Variants in EMSY observed in about 807,000 individuals in gnomAD.
EMSY encodes the protein BRCA2-interacting transcriptional repressor EMSY.
In EMSY, 26 loss-of-function variants were observed where a neutral mutation model predicts 134.6. The ratio of observed to expected loss-of-function variants is 0.19; its 90% CI spans 0.14 to 0.27. The LOEUF is 0.27. EMSY is among the 10% of genes least tolerant of loss of function. The pLI is 1.00. For synonymous variants in EMSY, 579 were observed against 577.8 expected, an observed-to-expected ratio of 1.00 and a Z score of -0.03; for missense variants, 1,305 against 1,611.4, an observed-to-expected ratio of 0.81 and a Z score of 3.26.
intron 20 of EMSY, among the ~76,000 whole-genome samples, chr11:76,547,353 G>C (rs1406338865): frequency 6.6e-6 from 1 of 152,182 alleles, no homozygotes; most frequent in African/African-American, 2.4e-5. Flanking sequence ...AAGGCAAGTA[G>C]AAATGGCCAT....
chr11:76,467,071 T>G (rs1590813441), intron 7 of EMSY, among the ~76,000 whole-genome samples: 2 of 152,368 alleles, frequency 1.3e-5, no homozygotes, highest in Admixed American at 1.3e-4. Flanking sequence ...CCTTCATATA[T>G]AGAAATTAAC....
intron 6 of EMSY, 130 bp from the exon 8 acceptor site, chr11:76,463,691 A>ATTG: frequency 1.0e-6 from 1 of 986,050 alleles, no homozygotes; most frequent in Non-Finnish European, 1.5e-6. Context: ...CTGAGGGAAG[A>ATTG]TTGATAGAAC....
intron 19 of EMSY, among the ~76,000 whole-genome samples, chr11:76,545,545 G>A (rs1329369665): frequency 6.6e-6 from 1 of 152,180 alleles, no homozygotes; most frequent in African/African-American, 2.4e-5. Flanking sequence ...AGGCTGCTGA[G>A]ACTACTTTTT....
At chr11:76,529,894 C>T (rs534451425) in intron 14 of EMSY, among the ~76,000 whole-genome samples, 32 of 152,038 alleles carry the variant, frequency 2.1e-4, no homozygotes, top group Non-Finnish European at 4.7e-4. Context: ...TTGGTTGATG[C>T]TTATTCTCCA....
intron 14 of EMSY, among the ~76,000 whole-genome samples, chr11:76,530,723 A>G (rs1430688312): frequency 1.3e-5 from 2 of 152,158 alleles, no homozygotes; most frequent in East Asian, 3.8e-4. Flanking sequence ...ATAGCTGTTT[A>G]CTACATTCTT....
intron 8 of EMSY, among the ~76,000 whole-genome samples, chr11:76,489,590 A>C (rs1590874858): frequency 6.8e-6 from 1 of 147,660 alleles, no homozygotes; most frequent in African/African-American, 2.5e-5. Context: ...TCTTATGATT[A>C]CTGTTTGCTT....
intron 8 of EMSY, among the ~76,000 whole-genome samples, chr11:76,486,236 C>T (rs987982526): frequency 1.2e-4 from 18 of 151,754 alleles, no homozygotes; most frequent in African/African-American, 1.9e-4. Context: ...GAACATCACA[C>T]GCTGGGGCCT....
At chr11:76,516,152 A>G in exon 11 of EMSY, 1 of 1,611,314 alleles carries the variant, frequency 6.2e-7, no homozygotes, top group African/African-American at 1.3e-5. Context: ...GCACACAAGC[A>G]ACCTATACCC....
intron 18 of EMSY, among the ~76,000 whole-genome samples, chr11:76,542,746 GT>G (rs1055512705): frequency 1.8e-5 from 1 of 55,730 alleles, no homozygotes; most frequent in Non-Finnish European, 3.8e-5. Context: ...TTTGTTTTTC[GT>G]TTTTTGTTTT....
chr11:76,473,061 C>T (rs1218244756), intron 8 of EMSY, among the ~76,000 whole-genome samples: 1 of 152,128 alleles, frequency 6.6e-6, no homozygotes, highest in Non-Finnish European at 1.5e-5. Context: ...TACCTAATTA[C>T]CTGGGCTGCT....
chr11:76,496,809 G>C, intron 9 of EMSY: 2 of 344,736 alleles, frequency 5.8e-6, no homozygotes, highest in Non-Finnish European at 1.1e-5. Context: ...GGGATTTTCT[G>C]TGTATGCAAC....
At chr11:76,531,708 C>T (rs1011772054) in intron 14 of EMSY, among the ~76,000 whole-genome samples, 1 of 152,168 alleles carries the variant, frequency 6.6e-6, no homozygotes, top group African/African-American at 2.4e-5. Flanking sequence ...TGTTCCTCAT[C>T]AAACACTTAT....
chr11:76,451,965 A>G lies in EMSY; in HGVS notation c.170+8A>G. 2 of 1,515,264 alleles carry G rather than the reference A, an allele frequency of 1.3e-6. No individual in the cohort carries two copies. Among genetic ancestry groups the G allele is most frequent in the South Asian group, 1.3e-5 (1 of 78,262 alleles). 93.9% of individuals were successfully genotyped at this position (1,515,264 alleles called of 1,614,324 possible). A position where few individuals can be genotyped will look rare whatever the true frequency, so the allele number is the denominator to read the frequency against. ...ACTATCAAAAGTTCTTAGGTAAATTATTGTAAATGTTTGTGAGACTCTAGA... is the reference window on the plus strand; with the variant it reads ...ACTATCAAAAGTTCTTAGGTAAATTGTTGTAAATGTTTGTGAGACTCTAGA... On this transcript the variant is annotated splice_region_variant and intron_variant, in intron 3 of 20. Transcript: ENST00000334736.
rs1272587881 is a variant in EMSY at position 76,547,223 on chromosome 11, G to C, written c.3774+926G>C. On this transcript the variant is annotated intron_variant, in intron 20 of 20. Coordinates refer to ENST00000334736, the Ensembl canonical transcript of EMSY. The stretch of plus-strand genomic sequence containing the variant: ...GATTTATTGAAATGTGAGTAGACTA[G>C]GATTTACCATCAATTCATTATGGTA... 1.0e-5 allele frequency: 3 copies of C among 292,464 alleles called. No individual in the cohort carries two copies. In the Admixed American group the frequency reaches 1.5e-4, roughly 15 times the overall value. The allele number at this position is 292,464 out of a possible 1,614,324, so 18.1% of individuals were successfully genotyped here.
At chr11:76,490,385 T>C (rs906911905) in intron 8 of EMSY, among the ~76,000 whole-genome samples, 2 of 152,170 alleles carry the variant, frequency 1.3e-5, no homozygotes, top group African/African-American at 4.8e-5. Context: ...ACCCCTGTTA[T>C]GAAAATAAAA....
At chr11:76,527,794 G>T (rs1341388913) in intron 13 of EMSY, among the ~76,000 whole-genome samples, 1 of 150,778 alleles carries the variant, frequency 6.6e-6, no homozygotes, top group Non-Finnish European at 1.5e-5. Context: ...AAAAAGAAAA[G>T]AAAAAAAACT....
At chr11:76,512,880 A>G (rs1387968135) in intron 9 of EMSY, among the ~76,000 whole-genome samples, 1 of 152,124 alleles carries the variant, frequency 6.6e-6, no homozygotes, top group Non-Finnish European at 1.5e-5. Flanking sequence ...ATTAAAAATT[A>G]TTTTAAAAGA....
intron 14 of EMSY, among the ~76,000 whole-genome samples, chr11:76,530,867 T>C (rs1415317061): frequency 6.6e-6 from 1 of 152,332 alleles, no homozygotes; most frequent in African/African-American, 2.4e-5. Context: ...AAGTACTACA[T>C]AGTTTATTTT....
intron 4 of EMSY, among the ~76,000 whole-genome samples, chr11:76,455,326 G>T (rs1947826154): frequency 6.6e-6 from 1 of 151,832 alleles, no homozygotes; most frequent in African/African-American, 2.4e-5. Context: ...TATTGTTTTA[G>T]TTGGATCAGA....
Sources: allele counts gnomAD v4.1 joint callset (sites outside exome capture counted in the v4.1 genomes callset), GRCh38; gene constraint gnomAD v4.1.1; transcripts MANE v1.5; gene names NCBI Gene and HGNC (gene_info 2026-07-23, HGNC 2026-07-21).